The following HIBCH variants were observed in gnomAD, a reference collection of about 807,000 sequenced individuals.
The protein encoded by HIBCH is 3-hydroxyisobutyryl-CoA hydrolase, mitochondrial.
In HIBCH, 50 loss-of-function variants were observed where a neutral mutation model predicts 58.2. The ratio of observed to expected loss-of-function variants is 0.86; its 90% confidence interval spans 0.68 to 1.09. The LOEUF (loss-of-function observed/expected upper bound fraction) is 1.09, where lower values mean the gene tolerates loss of function less well. Among genes scored for constraint, HIBCH ranks in the 50% least tolerant of loss-of-function variants. The pLI, the probability that HIBCH is intolerant of heterozygous loss-of-function variation, is 0.00. For missense variants in HIBCH, 450 were observed against 449.7 expected (o/e 1.00, Z -0.01); for synonymous variants, 151 against 146.9 (o/e 1.03, Z -0.20).
chr2:190,263,682 A>G (rs1687155372), intron 6 of HIBCH, among the ~76,000 whole-genome samples: 1 of 152,146 alleles, frequency 6.6e-6, no homozygotes, highest in African/African-American at 2.4e-5. Flanking sequence ...CACACATCAA[A>G]AGTAAATCTC....
At chr2:190,316,276 G>A (rs527965884) in intron 1 of HIBCH, among the ~76,000 whole-genome samples, 13 of 152,124 alleles carry the variant, frequency 8.5e-5, no homozygotes, top group Admixed American at 3.3e-4. Flanking sequence ...GACTACAGGC[G>A]CACACCACCA....
At chr2:190,264,351 C>T (rs1227112654) in intron 6 of HIBCH, among the ~76,000 whole-genome samples, 3 of 151,336 alleles carry the variant, frequency 2.0e-5, no homozygotes, top group Non-Finnish European at 4.4e-5. Flanking sequence ...ACAAATAGTA[C>T]GTTCGCAAGC....
chr2:190,314,511 CTG>C (rs1688663419), intron 1 of HIBCH, among the ~76,000 whole-genome samples: 1 of 151,900 alleles, frequency 6.6e-6, no homozygotes, highest in Non-Finnish European at 1.5e-5. Context: ...CAGAGTCTTG[CTG>C]TGTCACCCAG....
At chr2:190,278,459 C>G (rs1687617928) in intron 6 of HIBCH, among the ~76,000 whole-genome samples, 2 of 152,146 alleles carry the variant, frequency 1.3e-5, no homozygotes, top group African/African-American at 4.8e-5. Context: ...CAGCCTAGGC[C>G]TCCCAAAGTA....
chr2:190,192,980 AATCTTT>A lies in HIBCH; in HGVS notation c.*18-2989_*18-2984del, dbSNP rs1224993748. On this transcript the variant is annotated intron_variant, in intron 1 of 1. Transcript: ENST00000399855. ...ATAATGGCAGTTTTCTCCTTCTCTC[AATCTTT>A]ATGCTTTGTATGTCTTCCCTTCCTC... is the stretch of plus-strand genomic sequence containing the variant. 4.6e-5 allele frequency among the ~76,000 whole-genome samples: 7 copies of A among 151,980 alleles called. No homozygotes were observed. The East Asian group carries it at 1.4e-3, about 29-fold the overall frequency.
At position 190,215,932 on chromosome 2, in the gene HIBCH, AG is replaced by A. The variant is rs1287730583; in HGVS notation, c.892-2858del. On this transcript the variant is annotated intron_variant, in intron 11 of 13. Transcript: ENST00000359678. The surrounding 1 kb of genome is among the most constrained non-coding windows in gnomAD (Gnocchi z 4.4). ...GTCAGACACGGGGGAGCCAGGGCAC[AG>A]TTAAGGCTCAGCTCATGCCCAGAGA... 2.0e-5 allele frequency: 3 copies of A among 152,624 alleles called. No homozygotes were observed. Among genetic ancestry groups the A allele is most frequent in the African/African-American group, 7.2e-5 (3 of 41,464 alleles). 9.5% of individuals were successfully genotyped at this position (152,624 alleles called of 1,614,324 possible). A position where few individuals can be genotyped will look rare whatever the true frequency, so the allele number is the denominator to read the frequency against.
intron 11 of HIBCH, among the ~76,000 whole-genome samples, chr2:190,239,252 T>G (rs1353382109): frequency 6.6e-6 from 1 of 152,202 alleles, no homozygotes; most frequent in Admixed American, 6.5e-5. Context: ...TTTGTCAGGT[T>G]TGTCAAAGAT....
chr2:190,259,394 T>G (rs866909274), intron 7 of HIBCH, among the ~76,000 whole-genome samples: 1 of 148,598 alleles, frequency 6.7e-6, no homozygotes, highest in Middle Eastern at 3.4e-3. Context: ...GGTCTGGCTC[T>G]ATTGCCCAGG....
At chr2:190,248,781 A>T (rs1280010133) in intron 9 of HIBCH, among the ~76,000 whole-genome samples, 1 of 152,014 alleles carries the variant, frequency 6.6e-6, no homozygotes. Flanking sequence ...GAATCGCTTG[A>T]ACCTGGAAGG....
chr2:190,212,328 T>C (rs1575695220), intron 12 of HIBCH, among the ~76,000 whole-genome samples: 1 of 152,232 alleles, frequency 6.6e-6, no homozygotes, highest in East Asian at 1.9e-4. Flanking sequence ...TTAAGCCAAA[T>C]AGTCCCTTTA....
At chr2:190,212,867 TGTTTGC>T in intron 12 of HIBCH, 83 bp downstream of exon 12, 1 of 1,174,858 alleles carries the variant, frequency 8.5e-7, no homozygotes, top group Non-Finnish European at 1.2e-6. Flanking sequence ...TTAATTTTCT[TGTTTGC>T]ACTTAGTGTA....
chr2:190,318,481 C>T (rs1445494936), intron 1 of HIBCH, among the ~76,000 whole-genome samples: 1 of 152,060 alleles, frequency 6.6e-6, no homozygotes, highest in East Asian at 1.9e-4. Flanking sequence ...TGGACTGGAC[C>T]ATCTTGGCCT....
rs200323017 is a variant in HIBCH at position 190,207,900 on chromosome 2, T to TA, written c.1045+979dup. On this transcript the variant is annotated intron_variant, in intron 13 of 13. Coordinates refer to ENST00000359678, the MANE Select transcript of HIBCH (RefSeq NM_014362.4). This position sits in a 1 kb window ranked among gnomAD's most constrained non-coding sequence, Gnocchi z 4.5. ...TGTCTCCAAAAAAAATAAAATAAAA[T>TA]AAAAAAAACAAAGGATATCCAGAGT... 5.2e-5 allele frequency among the ~76,000 whole-genome samples: 7 copies of TA among 135,458 alleles called. No homozygotes were observed. The highest frequency in any genetic ancestry group is 8.1e-5 in the Non-Finnish European group (5 of 61,806). 88.9% of individuals were successfully genotyped at this position (135,458 alleles called of 152,430 possible). A position where few individuals can be genotyped will look rare whatever the true frequency, so the allele number is the denominator to read the frequency against.
intron 1 of HIBCH, among the ~76,000 whole-genome samples, chr2:190,194,896 A>G (rs1689897657): frequency 6.6e-6 from 1 of 152,142 alleles, no homozygotes; most frequent in Admixed American, 6.6e-5. Flanking sequence ...TCAGTCACCC[A>G]GGCTGGAGTG....
chr2:190,296,247 C>A (rs1309787613), intron 3 of HIBCH, among the ~76,000 whole-genome samples: 3 of 151,984 alleles, frequency 2.0e-5, no homozygotes, highest in Admixed American at 2.0e-4. Flanking sequence ...GGTGAAACCC[C>A]GTCTCTACTA....
intron 6 of HIBCH, among the ~76,000 whole-genome samples, chr2:190,285,302 C>T (rs1687803248): frequency 6.6e-6 from 1 of 152,114 alleles, no homozygotes; most frequent in African/African-American, 2.4e-5. Context: ...GTTGGGTATG[C>T]CCATTGTTTT....
chr2:190,262,487 G>GT (rs765549150), intron 6 of HIBCH, among the ~76,000 whole-genome samples: 7 of 152,126 alleles, frequency 4.6e-5, no homozygotes, highest in African/African-American at 1.4e-4. Context: ...ATCACACAAC[G>GT]TAAGTCTTTG....
chr2:190,217,960 G>A lies in HIBCH; in HGVS notation c.892-4885C>T, dbSNP rs1269275795. Among the ~76,000 whole-genome samples the A allele has an allele frequency of 1.3e-5, 2 of 152,096 alleles. No homozygotes were observed. The highest frequency in any genetic ancestry group is 1.3e-4 in the Admixed American group (2 of 15,262). On this transcript the variant is annotated intron_variant, in intron 11 of 13. Transcript: ENST00000359678. This position sits in a 1 kb window ranked among gnomAD's most constrained non-coding sequence, Gnocchi z 4.6. ...ATGAGCAGGCTCCGTCATTGGGGGT[G>A]GATACGGTTAGGATTAATCCTAACA...
At chr2:190,227,443 G>A (rs528466687) in intron 11 of HIBCH, among the ~76,000 whole-genome samples, 48 of 152,186 alleles carry the variant, frequency 3.2e-4, no homozygotes, top group Admixed American at 2.9e-3. Context: ...AGACTTAAAT[G>A]TTAGACCTAA....
Sources: gnomAD v4.1 joint callset for allele counts (sites outside exome capture counted in the v4.1 genomes callset) on GRCh38, gnomAD v4.1.1 for gene constraint, Gnocchi (gnomAD v3.1) non-coding constraint, MANE v1.5 for transcripts, NCBI Gene and HGNC (gene_info 2026-07-23, HGNC 2026-07-21) for gene names.